BAZ1A: variants seen among roughly 807,000 people sequenced by gnomAD.
The protein encoded by BAZ1A is bromodomain adjacent to zinc finger domain 1A, also known as bromodomain adjacent to zinc finger domain protein 1A.
A neutral mutation model predicts 185.2 loss-of-function variants in BAZ1A; 50 were observed. The ratio of observed to expected loss-of-function variants is 0.27; its 90% CI spans 0.22 to 0.34. The LOEUF (loss-of-function observed/expected upper bound fraction) is 0.34, where lower values mean the gene tolerates loss of function less well. Among genes scored for constraint, BAZ1A ranks in the 10% least tolerant of loss-of-function variants. BAZ1A has a pLI of 1.00. For missense variants in BAZ1A, 1,356 were observed against 1,839.9 expected (o/e 0.74, Z 4.81); for synonymous variants, 571 against 615.6 (o/e 0.93, Z 1.07).
chr14:34,801,905 C>CAAAA lies in BAZ1A; in HGVS notation c.862-716_862-713dup, dbSNP rs375668563. On this transcript the variant is annotated intron_variant, in intron 7 of 26. Transcript: ENST00000360310. The stretch of plus-strand genomic sequence containing the variant: ...TGGGTGACAGAGTGAGACTCCATCT[C>CAAAA]AAAAAAAAAAAAAAAAGTGTTACTG... Among the ~76,000 whole-genome samples, 339 of 113,040 alleles carry CAAAA rather than the reference C, an allele frequency of 3.0e-3. 6 individuals carry two copies. The highest frequency in any genetic ancestry group is 8.0e-3 in the East Asian group (31 of 3,896). The allele number at this position is 113,040 out of a possible 152,430, so 74.2% of individuals were successfully genotyped here.
At chr14:34,825,681 T>C (rs1440631328) in intron 4 of BAZ1A, among the ~76,000 whole-genome samples, 1 of 152,108 alleles carries the variant, frequency 6.6e-6, no homozygotes, top group African/African-American at 2.4e-5. Context: ...CTCATGCCTG[T>C]AATCCCAGCA....
chr14:34,758,917 T>C, intron 24 of BAZ1A, 71 bp from the exon 25 acceptor site: 2 of 1,453,546 alleles, frequency 1.4e-6, no homozygotes, highest in Admixed American at 2.0e-5. Context: ...CCAAACTGGA[T>C]ATATAAATAC....
At chr14:34,811,151 T>C in intron 4 of BAZ1A, 115 bp from the exon 5 acceptor site, 2 of 747,412 alleles carry the variant, frequency 2.7e-6, no homozygotes, top group Non-Finnish European at 4.1e-6. Flanking sequence ...TCAAAATTTT[T>C]TTTTGTTTTT....
chr14:34,805,149 G>A (rs1417332540), intron 6 of BAZ1A, among the ~76,000 whole-genome samples: 4 of 152,116 alleles, frequency 2.6e-5, no homozygotes, highest in East Asian at 1.9e-4. Context: ...GTTTCCTGAG[G>A]CCTCCCCAGA....
chr14:34,773,870 C>CT, intron 19 of BAZ1A, 144 bp from the exon 20 acceptor site: 1 of 822,178 alleles, frequency 1.2e-6, no homozygotes, highest in South Asian at 1.8e-5. Flanking sequence ...AATAAGGTTA[C>CT]TAAGTGGCCA....
chr14:34,801,948 A>T (rs1261830651), intron 7 of BAZ1A, among the ~76,000 whole-genome samples: 6 of 151,730 alleles, frequency 4.0e-5, no homozygotes, highest in Admixed American at 3.3e-4. Flanking sequence ...AATAACTCTA[A>T]TCTTAGTAAT....
intron 3 of BAZ1A, among the ~76,000 whole-genome samples, chr14:34,834,744 T>TC (rs2042301833): frequency 6.6e-6 from 1 of 152,166 alleles, no homozygotes; most frequent in Non-Finnish European, 1.5e-5. Flanking sequence ...AGAGACTTAG[T>TC]CTATGTCTTT....
rs142900158 is a variant in BAZ1A at position 34,757,193 on chromosome 14, T to C, written c.4386+1511A>G. ...CAGCCTGGCCAACATGGTGAAACCC[T>C]GTCTCTACTAAAAATACAAAAATTA... On this transcript the variant is annotated intron_variant, in intron 25 of 26. Coordinates refer to ENST00000360310, the MANE Select transcript of BAZ1A (RefSeq NM_013448.3). Among the ~76,000 whole-genome samples the C allele has an allele frequency of 4.4e-3, 668 of 151,824 alleles. 11 individuals carry two copies. The highest frequency in any genetic ancestry group is 0.031 in the East Asian group (158 of 5,156).
chr14:34,752,875 TAA>T lies in BAZ1A; in HGVS notation c.*631_*632del, dbSNP rs1435288575. The T allele has an allele frequency of 6.6e-6, 1 of 152,276 alleles. No homozygotes were observed. Among genetic ancestry groups the T allele is most frequent in the Non-Finnish European group, 1.5e-5 (1 of 68,020 alleles). 9.4% of individuals were successfully genotyped at this position (152,276 alleles called of 1,614,324 possible). On this transcript the variant is annotated 3_prime_UTR_variant, in exon 27 of 27. Transcript: ENST00000360310. ...TTGATCATTAAGGAAGTTAGAGGAA[TAA>T]AAACACAGTAAAAGGTTTAAAACAT... is the stretch of plus-strand genomic sequence containing the variant.
chr14:34,828,973 T>C (rs1011106475), intron 3 of BAZ1A, among the ~76,000 whole-genome samples: 1 of 152,138 alleles, frequency 6.6e-6, no homozygotes, highest in Non-Finnish European at 1.5e-5. Context: ...CTGTAGACAT[T>C]TTGCTTCTTG....
intron 3 of BAZ1A, among the ~76,000 whole-genome samples, chr14:34,826,837 A>G (rs1033856710): frequency 5.3e-5 from 8 of 152,210 alleles, no homozygotes; most frequent in Admixed American, 2.6e-4. Context: ...TCCACAGAAG[A>G]GTGCTGTGTG....
chr14:34,762,442 T>G (rs1227563563), intron 23 of BAZ1A, among the ~76,000 whole-genome samples: 1 of 152,096 alleles, frequency 6.6e-6, no homozygotes, highest in African/African-American at 2.4e-5. Context: ...CAAAGAGAAT[T>G]ATCTGCAAAG....
chr14:34,869,678 A>G (rs1436884707), intron 2 of BAZ1A, among the ~76,000 whole-genome samples: 1 of 152,224 alleles, frequency 6.6e-6, no homozygotes, highest in Non-Finnish European at 1.5e-5. Flanking sequence ...ATAAAATTGT[A>G]GCAACTGCTT....
At chr14:34,822,149 G>C (rs2042099498) in intron 4 of BAZ1A, among the ~76,000 whole-genome samples, 1 of 152,014 alleles carries the variant, frequency 6.6e-6, no homozygotes, top group South Asian at 2.1e-4. Context: ...ACAAACATTA[G>C]CTGGGTGTGG....
intron 3 of BAZ1A, among the ~76,000 whole-genome samples, chr14:34,834,952 T>C (rs1023003208): frequency 6.7e-6 from 1 of 150,372 alleles, no homozygotes; most frequent in Non-Finnish European, 1.5e-5. Flanking sequence ...ACCATTAGCA[T>C]TCATGTGTGC....
chr14:34,832,215 C>CACACACACACACACACATATAT lies in BAZ1A; in HGVS notation c.393-6060_393-6059insATATATGTGTGTGTGTGTGTGT. Among the ~76,000 whole-genome samples the CACACACACACACACACATATAT allele has an allele frequency of 8.8e-4, 79 of 89,706 alleles. 3 individuals carry two copies. Among genetic ancestry groups the CACACACACACACACACATATAT allele is most frequent in the Non-Finnish European group, 4.9e-4 (21 of 42,730 alleles). The allele number at this position is 89,706 out of a possible 152,430, so 58.9% of individuals were successfully genotyped here. On this transcript the variant is annotated intron_variant, in intron 3 of 26. Coordinates refer to ENST00000360310, the MANE Select transcript of BAZ1A (RefSeq NM_013448.3). ...ATACACACACACACACACACACACA[C>CACACACACACACACACATATAT]ATATATATATATATATGTATGTATG... is the stretch of plus-strand genomic sequence containing the variant.
intron 3 of BAZ1A, among the ~76,000 whole-genome samples, chr14:34,832,215 C>CACACACACACACACATTTATAT: frequency 1.1e-5 from 1 of 89,670 alleles, no homozygotes; most frequent in Admixed American, 1.4e-4. Context: ...CACACACACA[C>CACACACACACACACATTTATAT]ATATATATAT....
intron 2 of BAZ1A, among the ~76,000 whole-genome samples, chr14:34,868,198 A>G (rs377050969): frequency 1.3e-5 from 2 of 152,144 alleles, no homozygotes; most frequent in Non-Finnish European, 2.9e-5. Flanking sequence ...GGTGTTGTCA[A>G]TAACTGCTTT....
intron 5 of BAZ1A, 66 bp downstream of exon 5, chr14:34,810,869 C>T (rs1479582799): frequency 8.7e-7 from 1 of 1,147,158 alleles, no homozygotes; most frequent in East Asian, 2.4e-5. Context: ...CTACATCAGA[C>T]CTTCTTAATC....
Sources: gnomAD v4.1 joint callset for allele counts (sites outside exome capture counted in the v4.1 genomes callset) on GRCh38, gnomAD v4.1.1 for gene constraint, MANE v1.5 for transcripts, NCBI Gene and HGNC (gene_info 2026-07-23, HGNC 2026-07-21) for gene names.